Variants in ZNF566 observed in about 807,000 individuals in gnomAD.
ZNF566 encodes the protein zinc finger protein 566.
A neutral mutation model predicts 32.8 loss-of-function variants in ZNF566; 27 were observed. The ratio of observed to expected loss-of-function variants is 0.82; its 90% CI spans 0.61 to 1.14. ZNF566 has a LOEUF of 1.14. Among genes scored for constraint, ZNF566 ranks in the 50% most tolerant of loss-of-function variants. The probability of loss-of-function intolerance (pLI) is 0.00; values close to 1 mark genes in which losing one functional copy is unlikely to be tolerated. For missense variants in ZNF566, 402 were observed against 490.4 expected (o/e 0.82, Z 1.70); for synonymous variants, 154 against 159.5 (o/e 0.97, Z 0.26).
chr19:36,460,443 C>A (rs2033433286), intron 4 of ZNF566, among the ~76,000 whole-genome samples: 1 of 152,010 alleles, frequency 6.6e-6, no homozygotes, highest in South Asian at 2.1e-4. Flanking sequence ...ACTGGCTAGG[C>A]TCAACAGCAG....
chr19:36,454,259 G>A (rs1288722711), intron 4 of ZNF566, among the ~76,000 whole-genome samples: 1 of 152,038 alleles, frequency 6.6e-6, no homozygotes, highest in Non-Finnish European at 1.5e-5. Flanking sequence ...TTTTAAATAT[G>A]TAAGCCTTAT....
intron 4 of ZNF566, among the ~76,000 whole-genome samples, chr19:36,452,513 T>A (rs992527295): frequency 1.3e-5 from 2 of 150,120 alleles, no homozygotes; most frequent in African/African-American, 4.9e-5. Context: ...AATAGTGTTA[T>A]GAATTAAGTA....
At chr19:36,450,138 T>C in intron 4 of ZNF566, 137 bp from the exon 5 acceptor site, 1 of 690,390 alleles carries the variant, frequency 1.4e-6, no homozygotes, top group East Asian at 2.7e-5. Context: ...ACAGGTTACA[T>C]AATAAGATGA....
In ZNF566 at chr19:36,452,974, T is replaced by A. The variant is rs542892213; in HGVS notation, c.233-2973A>T. On this transcript the variant is annotated intron_variant, in intron 4 of 4. Transcript: ENST00000452939. Reference sequence around the variant, plus strand: ...CTCTACTAAAAATATAAAAATTAGCTGGGTATGGTGGCGTGTGCCTGTAAT... The same window carrying A: ...CTCTACTAAAAATATAAAAATTAGCAGGGTATGGTGGCGTGTGCCTGTAAT... Among the ~76,000 whole-genome samples, 5 of 151,578 alleles carry A rather than the reference T, an allele frequency of 3.3e-5. No individual in the cohort carries two copies. The South Asian group carries it at 1.0e-3, about 32-fold the overall frequency.
intron 4 of ZNF566, among the ~76,000 whole-genome samples, chr19:36,456,284 A>C (rs1022175273): frequency 1.3e-5 from 2 of 151,144 alleles, no homozygotes; most frequent in African/African-American, 4.9e-5. Flanking sequence ...GCCTGTAATC[A>C]TAGCACTTTG....
chr19:36,476,442 G>C (rs1396982879), intron 2 of ZNF566, 107 bp downstream of exon 2: 1 of 953,122 alleles, frequency 1.0e-6, no homozygotes, highest in South Asian at 1.8e-5. Context: ...CTTTTTGAAA[G>C]GTGTTGTTTT....
chr19:36,466,363 G>A (rs867174729), intron 4 of ZNF566, among the ~76,000 whole-genome samples: 2 of 152,190 alleles, frequency 1.3e-5, no homozygotes, highest in Admixed American at 6.5e-5. Context: ...ACAATCTGCG[G>A]ATGCTCAAGT....
chr19:36,471,917 A>G (rs1288101961), intron 4 of ZNF566, among the ~76,000 whole-genome samples: 2 of 151,468 alleles, frequency 1.3e-5, no homozygotes, highest in East Asian at 3.9e-4. Context: ...TGATTTTTGT[A>G]TTTTTTAGTA....
At chr19:36,485,443 T>G in intron 1 of ZNF566, among the ~76,000 whole-genome samples, 1 of 105,706 alleles carries the variant, frequency 9.5e-6, no homozygotes, top group African/African-American at 3.8e-5. Flanking sequence ...CAAGACCTTG[T>G]CTATTAAAAA....
intron 1 of ZNF566, among the ~76,000 whole-genome samples, chr19:36,487,910 AAAAAAAAAAAAAAG>A (rs1352077411): frequency 3.8e-4 from 37 of 97,536 alleles, no homozygotes; most frequent in Non-Finnish European, 4.7e-4. Flanking sequence ...AAAAAAAAAA[AAAAAAAAAAAAAAG>A]AATGGGTAAA....
intron 1 of ZNF566, among the ~76,000 whole-genome samples, chr19:36,484,593 T>TC (rs1388478945): frequency 6.9e-6 from 1 of 144,198 alleles, no homozygotes; most frequent in Non-Finnish European, 1.5e-5. Context: ...GTTTCTTTTT[T>TC]TTTTTTTTTT....
At chr19:36,462,872 G>A (rs952327295) in intron 4 of ZNF566, among the ~76,000 whole-genome samples, 5 of 138,628 alleles carry the variant, frequency 3.6e-5, no homozygotes, top group African/African-American at 1.3e-4. Context: ...TAGGAGCATC[G>A]CTTGAACCCA....
At chr19:36,470,455 G>A (rs2033733122) in intron 4 of ZNF566, among the ~76,000 whole-genome samples, 1 of 152,050 alleles carries the variant, frequency 6.6e-6, no homozygotes, top group Non-Finnish European at 1.5e-5. Context: ...TCCTTGAAAA[G>A]ATTTCAAACC....
chr19:36,459,128 A>G (rs1168305607), intron 4 of ZNF566, among the ~76,000 whole-genome samples: 1 of 152,232 alleles, frequency 6.6e-6, no homozygotes, highest in Non-Finnish European at 1.5e-5. Flanking sequence ...GACAGAAAAT[A>G]ATAAGTCATA....
At chr19:36,481,704 G>A (rs1282982902) in intron 1 of ZNF566, among the ~76,000 whole-genome samples, 52 of 151,954 alleles carry the variant, frequency 3.4e-4, no homozygotes, top group Non-Finnish European at 2.9e-5. Flanking sequence ...CAGCAATACC[G>A]CTTCTAGGAA....
chr19:36,454,411 G>A (rs1391791371), intron 4 of ZNF566, among the ~76,000 whole-genome samples: 2 of 152,060 alleles, frequency 1.3e-5, no homozygotes, highest in African/African-American at 4.8e-5. Context: ...GGATTAGCTC[G>A]GCAGAGGGGT....
chr19:36,467,434 CAAAAAA>C (rs34170364), intron 4 of ZNF566, among the ~76,000 whole-genome samples: 2 of 77,550 alleles, frequency 2.6e-5, no homozygotes, highest in African/African-American at 5.1e-5. Context: ...GGCTCTGTCT[CAAAAAA>C]AAAAAAAAAA....
chr19:36,468,029 T>C (rs1339628155), intron 4 of ZNF566, among the ~76,000 whole-genome samples: 1 of 149,940 alleles, frequency 6.7e-6, no homozygotes, highest in Non-Finnish European at 1.5e-5. Flanking sequence ...CTACTAAAAA[T>C]ACAAAATTAG....
At chr19:36,462,667 CATATATGT>C (rs2033499026) in intron 4 of ZNF566, among the ~76,000 whole-genome samples, 1 of 151,566 alleles carries the variant, frequency 6.6e-6, no homozygotes. Context: ...TGTATATATA[CATATATGT>C]ATATATGTAC....
Sources: gnomAD v4.1 joint callset for allele counts (sites outside exome capture counted in the v4.1 genomes callset) on GRCh38, gnomAD v4.1.1 for gene constraint, MANE v1.5 for transcripts, NCBI Gene and HGNC (gene_info 2026-07-23, HGNC 2026-07-21) for gene names.